Variants in C2orf49 observed in about 807,000 individuals in gnomAD.
The protein encoded by C2orf49 is tRNA-splicing ligase complex subunit ASW.
Under a neutral mutation model 20.6 loss-of-function variants are expected in C2orf49, and 11 were observed. The observed-to-expected ratio is 0.53, with a 90% CI of 0.34 to 0.88. C2orf49 has a LOEUF of 0.88. Ranked by LOEUF, C2orf49 falls within the 40% of genes least tolerant of loss-of-function variation. The pLI is 0.02. For synonymous variants in C2orf49, 134 were observed against 108.5 expected, an observed-to-expected ratio of 1.24 and a Z score of -1.46; for missense variants, 289 against 274.2, an observed-to-expected ratio of 1.05 and a Z score of -0.38.
At chr2:105,367,715 C>T in the C2orf49 span, 1 of 1,613,966 alleles carries the variant, frequency 6.2e-7, no homozygotes, top group Non-Finnish European at 8.5e-7. Context: ...CCAGCTGCTG[C>T]CCTTGTACTC....
At chr2:105,355,006 C>G in the C2orf49 span, among the ~76,000 whole-genome samples, 4 of 152,188 alleles carry the variant, frequency 2.6e-5, no homozygotes, top group African/African-American at 7.2e-5. Context: ...CCCAGAGAAG[C>G]AGGCAATCTT....
At chr2:105,345,271 G>A (rs747459344) in intron 3 of C2orf49, 44 bp from the exon 4 acceptor site, 2 of 1,540,764 alleles carry the variant, frequency 1.3e-6, no homozygotes, top group Non-Finnish European at 1.8e-6. Context: ...GTTGTTTTCT[G>A]ATATTTCTGC....
the C2orf49 span, chr2:105,363,387 A>G: frequency 6.2e-7 from 1 of 1,614,020 alleles, no homozygotes; most frequent in African/African-American, 1.3e-5. Context: ...CGCTGCCCAG[A>G]CAGCTGCTTC....
chr2:105,375,113 C>T, the C2orf49 span: 1 of 151,440 alleles, frequency 6.6e-6, no homozygotes, highest in Admixed American at 6.6e-5. Context: ...CTAGAACAAA[C>T]AGTTCTCTTT....
Position 105,343,011 on chromosome 2 carries a change from A to C in C2orf49, c.430A>C (p.Asn144His), listed in dbSNP as rs367579714. ...FTSNAFRKLSNSSSSVSPLIL... is the reference protein window; with the variant it reads ...FTSNAFRKLSHSSSSVSPLIL... ...CAGTAATGCCTTTAGAAAATTATCA[A>C]ATTCCTCTTCGAGTGTTTCACCCCT... Residue 144 changes from asparagine to histidine, a missense_variant, in exon 3 of 4, where the codon AAT (asparagine) becomes CAT (histidine). By Grantham distance (68) the Asn-to-His change is moderately conservative (BLOSUM62 1). Transcript: ENST00000258457. The C allele has an allele frequency of 1.9e-6, 3 of 1,614,246 alleles. No homozygotes were observed. The South Asian group carries it at 3.3e-5, about 18-fold the overall frequency.
the C2orf49 span, among the ~76,000 whole-genome samples, chr2:105,368,612 G>A: frequency 2.6e-5 from 4 of 152,286 alleles, no homozygotes; most frequent in Admixed American, 6.5e-5. Context: ...CAAGTGAACT[G>A]AGGAGCTCTA....
chr2:105,344,420 T>C (rs1430017619), intron 3 of C2orf49, among the ~76,000 whole-genome samples: 1 of 151,958 alleles, frequency 6.6e-6, no homozygotes, highest in East Asian at 1.9e-4. Flanking sequence ...CCCTACAAAA[T>C]TTTACTGTTT....
chr2:105,368,091 A>T, the C2orf49 span, among the ~76,000 whole-genome samples: 4 of 152,234 alleles, frequency 2.6e-5, no homozygotes, highest in Non-Finnish European at 5.9e-5. Flanking sequence ...ATGAATTCCC[A>T]TGGAGCATGA....
At chr2:105,373,422 T>G in the C2orf49 span, 1 of 835,038 alleles carries the variant, frequency 1.2e-6, no homozygotes, top group Non-Finnish European at 2.0e-6. Flanking sequence ...CTCTAAATAC[T>G]CCTCTGCAGT....
the C2orf49 span, chr2:105,367,683 G>A: frequency 2.5e-6 from 4 of 1,614,228 alleles, no homozygotes; most frequent in Non-Finnish European, 2.5e-6. Context: ...TGGCAGCGGT[G>A]GCAGATGAAG....
At chr2:105,379,937 G>A in the C2orf49 span, among the ~76,000 whole-genome samples, 14 of 152,334 alleles carry the variant, frequency 9.2e-5, no homozygotes, top group African/African-American at 2.9e-4. Context: ...TTGGAAACTC[G>A]TAGGTAACTA....
the C2orf49 span, among the ~76,000 whole-genome samples, chr2:105,357,287 TC>T: frequency 3.9e-5 from 6 of 152,218 alleles, no homozygotes; most frequent in Non-Finnish European, 7.3e-5. Context: ...TTTCTGTTGT[TC>T]CGTCTTCAAG....
intron 3 of C2orf49, 81 bp from the exon 4 acceptor site, chr2:105,345,233 AC>A: frequency 8.0e-7 from 1 of 1,248,978 alleles, no homozygotes; most frequent in Non-Finnish European, 1.1e-6. Flanking sequence ...TTAATAGTAA[AC>A]CTTGGTTGTT....
At position 105,337,549 on chromosome 2, in the gene C2orf49, G is replaced by T; in HGVS notation, c.-39G>T. 1.2e-6 allele frequency: 2 copies of T among 1,612,664 alleles called. No homozygotes were observed. Among genetic ancestry groups the T allele is most frequent in the Non-Finnish European group, 1.7e-6 (2 of 1,179,782 alleles). On this transcript the variant is annotated 5_prime_UTR_variant, in exon 1 of 4. Coordinates refer to ENST00000258457, the MANE Select transcript of C2orf49 (RefSeq NM_024093.3). ...ACTTCCGCAACGCTTCCTTCGCGGG[G>T]CTTTGTGGGTAGCCGACTGGGGTCT...
downstream of C2orf49, among the ~76,000 whole-genome samples, chr2:105,353,442 C>T (rs1679984171): frequency 6.6e-6 from 1 of 152,142 alleles, no homozygotes; most frequent in Non-Finnish European, 1.5e-5. Context: ...AAGGTCACTA[C>T]ATACATTTTG....
At chr2:105,351,079 T>C (rs928777766), downstream of C2orf49, among the ~76,000 whole-genome samples, 1 of 152,174 alleles carries the variant, frequency 6.6e-6, no homozygotes, top group African/African-American at 2.4e-5. Flanking sequence ...CTGGAGAATG[T>C]TCCTCAATTG....
the C2orf49 span, among the ~76,000 whole-genome samples, chr2:105,384,975 C>T: frequency 6.6e-6 from 1 of 152,174 alleles, no homozygotes. Flanking sequence ...AGAGAAAAGT[C>T]GTCAGGTGCA....
chr2:105,372,715 G>C, the C2orf49 span, among the ~76,000 whole-genome samples: 2,303 of 151,932 alleles, frequency 0.015, 17 homozygotes, highest in Middle Eastern at 0.034. Flanking sequence ...CTTGAACCTG[G>C]GAGGCAGAGG....
chr2:105,337,783 A>T, intron 1 of C2orf49, 97 bp downstream of exon 1: 1 of 1,115,308 alleles, frequency 9.0e-7, no homozygotes, highest in East Asian at 2.6e-5. Flanking sequence ...AACCACGGAC[A>T]CTCCCGCCGG....
Sources: allele counts gnomAD v4.1 joint callset (sites outside exome capture counted in the v4.1 genomes callset), GRCh38; gene constraint gnomAD v4.1.1; transcripts MANE v1.5; gene names NCBI Gene and HGNC (gene_info 2026-07-23, HGNC 2026-07-21).